SEPTIN9: variants seen among roughly 807,000 people sequenced by gnomAD.
SEPTIN9 encodes septin 9, also known as septin-9.
Under a neutral mutation model 56.6 loss-of-function variants are expected in SEPTIN9, and 13 were observed. The observed-to-expected ratio is 0.23, with a 90% CI of 0.15 to 0.37. The LOEUF (loss-of-function observed/expected upper bound fraction) is 0.37. Among genes scored for constraint, SEPTIN9 ranks in the 10% least tolerant of loss-of-function variants. The pLI is 1.00. For synonymous variants in SEPTIN9, 332 were observed against 334.1 expected (o/e 0.99, Z 0.07); for missense variants, 650 against 823.1 (o/e 0.79, Z 2.57).
At chr17:77,427,393 C>T (rs994027978) in intron 3 of SEPTIN9, among the ~76,000 whole-genome samples, 11 of 152,166 alleles carry the variant, frequency 7.2e-5, no homozygotes, top group Non-Finnish European at 8.8e-5. Flanking sequence ...TAGGGTAGAG[C>T]CATGACAGGG....
intron 10 of SEPTIN9, among the ~76,000 whole-genome samples, chr17:77,495,320 A>G (rs2040214078): frequency 6.6e-6 from 1 of 152,202 alleles, no homozygotes; most frequent in Non-Finnish European, 1.5e-5. Context: ...GGACCCTGGA[A>G]ATGTGCCTTC....
chr17:77,452,032 G>A (rs1336889902), intron 3 of SEPTIN9, among the ~76,000 whole-genome samples: 2 of 152,200 alleles, frequency 1.3e-5, no homozygotes, highest in African/African-American at 4.8e-5. Flanking sequence ...GAAGCTCCCC[G>A]CGGCGCCGGC....
chr17:77,383,554 G>A (rs113719050), intron 2 of SEPTIN9, among the ~76,000 whole-genome samples: 2 of 152,208 alleles, frequency 1.3e-5, no homozygotes, highest in African/African-American at 4.8e-5. Flanking sequence ...TGGAGAGTGG[G>A]GATGGCTGAG....
intron 3 of SEPTIN9, among the ~76,000 whole-genome samples, chr17:77,470,077 A>G (rs2038919850): frequency 6.7e-6 from 1 of 150,350 alleles, no homozygotes; most frequent in Non-Finnish European, 1.5e-5. Context: ...TCATTCACCC[A>G]TCTATCCATC....
intron 1 of SEPTIN9, among the ~76,000 whole-genome samples, chr17:77,303,766 A>T (rs951443757): frequency 3.9e-5 from 6 of 152,080 alleles, no homozygotes; most frequent in Admixed American, 6.6e-5. Context: ...TACTTGCGCC[A>T]TGTGACCTCA....
At chr17:77,281,690 T>C in intron 1 of SEPTIN9, 136 bp downstream of exon 1, 1 of 825,124 alleles carries the variant, frequency 1.2e-6, no homozygotes, top group Non-Finnish European at 1.8e-6. Flanking sequence ...GCAGGTCGAG[T>C]TCCTCCCAGG....
chr17:77,450,994 C>T lies in SEPTIN9; in HGVS notation c.722-31150C>T, dbSNP rs149354892. On this transcript the variant is annotated intron_variant, in intron 3 of 11. Transcript: ENST00000427177. The surrounding 1 kb of genome is among the most constrained non-coding windows in gnomAD (Gnocchi z 6.0). ...GTCTGAGCAGGTAGGTGGGGGAGCA[C>T]CTAGGAAGCAGGGGTGTCAGGCAGA... is the stretch of plus-strand genomic sequence containing the variant. 1,448 of 177,230 alleles carry T rather than the reference C, an allele frequency of 8.2e-3. 23 individuals are homozygous for T. Among genetic ancestry groups the T allele is most frequent in the South Asian group, 0.053 (277 of 5,262 alleles). 11.0% of individuals were successfully genotyped at this position (177,230 alleles called of 1,614,324 possible). A position where few individuals can be genotyped will look rare whatever the true frequency, so the allele number is the denominator to read the frequency against.
intron 3 of SEPTIN9, among the ~76,000 whole-genome samples, chr17:77,443,792 C>T (rs572851549): frequency 1.3e-4 from 20 of 150,666 alleles, no homozygotes; most frequent in African/African-American, 3.7e-4. Flanking sequence ...AGCCAGACTC[C>T]GTCTCAAAAA....
intron 3 of SEPTIN9, among the ~76,000 whole-genome samples, chr17:77,419,288 G>A (rs1397404072): frequency 1.3e-5 from 2 of 152,184 alleles, no homozygotes; most frequent in East Asian, 1.9e-4. Flanking sequence ...CACGAGTTGG[G>A]AGCTGAGGGA....
chr17:77,495,688 A>G (rs937667535), intron 10 of SEPTIN9, among the ~76,000 whole-genome samples: 1 of 152,122 alleles, frequency 6.6e-6, no homozygotes, highest in African/African-American at 2.4e-5. Context: ...GCTGCCCGTC[A>G]GTGTTAGATG....
At position 77,475,482 on chromosome 17, in the gene SEPTIN9, G is replaced by A; in HGVS notation, c.722-6662G>A. Reference sequence around the variant, plus strand: ...TAAGAAGCCCCTTTGTGGGGGACAGGGAGCATCTGTTAGTTTATAGGACCT... The same window carrying A: ...TAAGAAGCCCCTTTGTGGGGGACAGAGAGCATCTGTTAGTTTATAGGACCT... On this transcript the variant is annotated intron_variant, in intron 3 of 11. Coordinates refer to ENST00000427177, the MANE Select transcript of SEPTIN9 (RefSeq NM_001113491.2). The surrounding 1 kb of genome is among the most constrained non-coding windows in gnomAD (Gnocchi z 4.6). 1 of 1,592,196 alleles carries A rather than the reference G, an allele frequency of 6.3e-7. No homozygotes were observed. The highest frequency in any genetic ancestry group is 8.5e-7 in the Non-Finnish European group (1 of 1,170,200).
Position 77,435,841 on chromosome 17 carries a change from A to C in SEPTIN9, c.721+33138A>C, listed in dbSNP as rs1170344676. Among the ~76,000 whole-genome samples, 1 of 152,160 alleles carries C rather than the reference A, an allele frequency of 6.6e-6. No homozygotes were observed. Among genetic ancestry groups the C allele is most frequent in the Non-Finnish European group, 1.5e-5 (1 of 68,026 alleles). On this transcript the variant is annotated intron_variant, in intron 3 of 11. Coordinates refer to ENST00000427177, the MANE Select transcript of SEPTIN9 (RefSeq NM_001113491.2). This position sits in a 1 kb window ranked among gnomAD's most constrained non-coding sequence, Gnocchi z 4.5. Reference sequence around the variant, plus strand: ...AAGCTTGCCAGCGCCGCACTGCGGGATCTGGAGGCCTTTGCTCCTGAGCCC... The same window carrying C: ...AAGCTTGCCAGCGCCGCACTGCGGGCTCTGGAGGCCTTTGCTCCTGAGCCC...
At chr17:77,428,802 G>A (rs2037013099) in intron 3 of SEPTIN9, 1 of 364,954 alleles carries the variant, frequency 2.7e-6, no homozygotes. Context: ...CAGTACTCAT[G>A]TGGGCCCAAA....
intron 3 of SEPTIN9, among the ~76,000 whole-genome samples, chr17:77,478,305 G>T (rs2039306889): frequency 6.6e-6 from 1 of 152,206 alleles, no homozygotes; most frequent in African/African-American, 2.4e-5. Flanking sequence ...GAAGTCACTT[G>T]TGAACACACT....
intron 2 of SEPTIN9, among the ~76,000 whole-genome samples, chr17:77,365,411 C>T (rs1268094940): frequency 1.3e-5 from 2 of 151,866 alleles, no homozygotes; most frequent in East Asian, 1.9e-4. Flanking sequence ...TTTCTTTCCT[C>T]TCTCTCTCTT....
In SEPTIN9 at chr17:77,451,479, G is replaced by T. The variant is rs2037966436; in HGVS notation, c.722-30665G>T. Reference sequence around the variant, plus strand: ...CTCTGAGCCATGTGACCCGGTGGGCGGGCCGCGGCTCTCGGCGCGTCCAGC... The same window carrying T: ...CTCTGAGCCATGTGACCCGGTGGGCTGGCCGCGGCTCTCGGCGCGTCCAGC... On this transcript the variant is annotated intron_variant, in intron 3 of 11. Transcript: ENST00000427177. The surrounding 1 kb of genome is among the most constrained non-coding windows in gnomAD (Gnocchi z 4.2). The T allele has an allele frequency of 1.0e-6, 1 of 985,858 alleles. No homozygotes were observed. Among genetic ancestry groups the T allele is most frequent in the Non-Finnish European group, 1.2e-6 (1 of 830,254 alleles). 61.1% of individuals were successfully genotyped at this position (985,858 alleles called of 1,614,324 possible).
At position 77,435,204 on chromosome 17, in the gene SEPTIN9, G is replaced by A. The variant is rs767410933; in HGVS notation, c.721+32501G>A. Among the ~76,000 whole-genome samples the A allele has an allele frequency of 3.3e-5, 5 of 152,166 alleles. No homozygotes were observed. Among genetic ancestry groups the A allele is most frequent in the Admixed American group, 2.0e-4 (3 of 15,278 alleles). On this transcript the variant is annotated intron_variant, in intron 3 of 11. Transcript: ENST00000427177. This position sits in a 1 kb window ranked among gnomAD's most constrained non-coding sequence, Gnocchi z 4.5. ...TCTGAGCATGGCAGAGGGAGGGTCC[G>A]AATGCGGAAAGTCTGGCTTCAGTGC...
chr17:77,396,628 C>T (rs933619392), intron 2 of SEPTIN9, among the ~76,000 whole-genome samples: 3 of 152,114 alleles, frequency 2.0e-5, no homozygotes, highest in Non-Finnish European at 2.9e-5. Flanking sequence ...GGACCCAGGG[C>T]GCAGTCTTAG....
rs1598262545 is a variant in SEPTIN9, at chr17:77,367,889, C to T, written c.77-34170C>T. ...AAGCAAGGACTTGAACAAATATTTG[C>T]ACACCCATGTTTGTAGCAGCTTTAC... is the stretch of plus-strand genomic sequence containing the variant. On this transcript the variant is annotated intron_variant, in intron 2 of 11. Coordinates refer to ENST00000427177, the MANE Select transcript of SEPTIN9 (RefSeq NM_001113491.2). This position sits in a 1 kb window ranked among gnomAD's most constrained non-coding sequence, Gnocchi z 4.5. Among the ~76,000 whole-genome samples the T allele has an allele frequency of 6.6e-6, 1 of 152,090 alleles. No individual in the cohort carries two copies. The highest frequency in any genetic ancestry group is 1.5e-5 in the Non-Finnish European group (1 of 68,012).
Sources: allele counts gnomAD v4.1 joint callset (sites outside exome capture counted in the v4.1 genomes callset), GRCh38; gene constraint gnomAD v4.1.1; non-coding constraint Gnocchi (gnomAD v3.1); transcripts MANE v1.5; gene names NCBI Gene and HGNC (gene_info 2026-07-23, HGNC 2026-07-21).